ANKS1B: variants seen among roughly 807,000 people sequenced by gnomAD.
The protein encoded by ANKS1B is ankyrin repeat and sterile alpha motif domain-containing protein 1B.
Under a neutral mutation model 148.3 loss-of-function variants are expected in ANKS1B, and 36 were observed. That is an observed-to-expected ratio of 0.24 (90% confidence interval 0.19 to 0.32). ANKS1B has a LOEUF of 0.32. Ranked by LOEUF, ANKS1B falls within the 10% of genes least tolerant of loss-of-function variation. The probability of loss-of-function intolerance (pLI) is 1.00; values close to 1 mark genes in which losing one functional copy is unlikely to be tolerated. For missense variants in ANKS1B, 1,157 were observed against 1,542.6 expected, an observed-to-expected ratio of 0.75 and a Z score of 4.19; for synonymous variants, 542 against 560.8, an observed-to-expected ratio of 0.97 and a Z score of 0.47.
At chr12:99,562,641 T>C (rs989260698) in intron 9 of ANKS1B, among the ~76,000 whole-genome samples, 1 of 152,144 alleles carries the variant, frequency 6.6e-6, no homozygotes. Flanking sequence ...ATGTCCTTCT[T>C]CACATGGTGG....
chr12:99,984,129 G>A lies in ANKS1B; in HGVS notation c.109C>T (p.Pro37Ser), dbSNP rs767567238. The part of the protein sequence containing the change: ...KGGILGGGSG[P>S]LPLSNLLSIW... The stretch of plus-strand genomic sequence containing the variant: ...CTTAGCAGATTAGACAGGGGCAGGG[G>A]TCCGGATCCACCGCCCAGGATCCCT... Residue 37 changes from proline (P) to serine (S), a missense_variant, in exon 1 of 27, where the codon CCC becomes TCC. Pro to Ser is a moderately conservative substitution (Grantham distance 74, BLOSUM62 -1). Around this residue, in one of 6 missense-constraint regions of ANKS1B, gnomAD observed 164 missense variants for 232.6 expected, o/e 0.71. Transcript: ENST00000683438. The A allele has an allele frequency of 8.1e-6, 13 of 1,613,682 alleles. No individual in the cohort carries two copies. The highest frequency in any genetic ancestry group is 1.3e-5 in the African/African-American group (1 of 75,008).
intron 25 of ANKS1B, among the ~76,000 whole-genome samples, chr12:98,767,988 T>G (rs541297872): frequency 6.6e-6 from 1 of 152,288 alleles, no homozygotes; most frequent in Admixed American, 6.5e-5. Flanking sequence ...GCTGAGTCCA[T>G]TTTTAACTCT....
chr12:99,004,246 T>C (rs1299868193), intron 17 of ANKS1B, among the ~76,000 whole-genome samples: 1 of 152,184 alleles, frequency 6.6e-6, no homozygotes, highest in Non-Finnish European at 1.5e-5. Flanking sequence ...CCACTGTACA[T>C]AGGGCTTTCT....
intron 15 of ANKS1B, among the ~76,000 whole-genome samples, chr12:99,112,586 T>A (rs1206503076): frequency 6.6e-6 from 1 of 152,082 alleles, no homozygotes; most frequent in Non-Finnish European, 1.5e-5. Context: ...TGGCACAGTA[T>A]GTATGGATCT....
rs541464270 is a variant in ANKS1B at position 99,981,244 on chromosome 12, T to G, written c.134+2860A>C. 2.0e-5 allele frequency among the ~76,000 whole-genome samples: 3 copies of G among 152,240 alleles called. No homozygotes were observed. The East Asian group carries it at 5.8e-4, about 29-fold the overall frequency. The stretch of plus-strand genomic sequence containing the variant: ...ATATGATAGGTACTATTATTACTAT[T>G]TCCACTCTGATAGAATAGTGAGGCT... On this transcript the variant is annotated intron_variant, in intron 1 of 26. Transcript: ENST00000683438.
intron 17 of ANKS1B, among the ~76,000 whole-genome samples, chr12:98,930,526 C>G (rs906603804): frequency 6.6e-6 from 1 of 152,070 alleles, no homozygotes; most frequent in African/African-American, 2.4e-5. Context: ...AAAGTCTAAA[C>G]AATTCAAATG....
At chr12:99,474,850 G>C (rs984761395) in intron 10 of ANKS1B, among the ~76,000 whole-genome samples, 2 of 151,782 alleles carry the variant, frequency 1.3e-5, no homozygotes, top group Non-Finnish European at 2.9e-5. Context: ...ATATCAAAGT[G>C]GGAAATTAAA....
chr12:99,782,154 G>T, intron 4 of ANKS1B, 57 bp from the exon 5 acceptor site: 2 of 1,380,144 alleles, frequency 1.4e-6, no homozygotes, highest in South Asian at 1.3e-5. Flanking sequence ...ATGCTTACAG[G>T]TTGAAATAAA....
At chr12:99,621,298 T>C (rs1367114621) in intron 9 of ANKS1B, among the ~76,000 whole-genome samples, 1 of 151,906 alleles carries the variant, frequency 6.6e-6, no homozygotes, top group Non-Finnish European at 1.5e-5. Context: ...AAAAGCACAC[T>C]AAGGTACATA....
chr12:99,541,017 C>T (rs914501756), intron 9 of ANKS1B, among the ~76,000 whole-genome samples: 1 of 151,982 alleles, frequency 6.6e-6, no homozygotes, highest in Admixed American at 6.6e-5. Flanking sequence ...TCCATGCCAA[C>T]AAAACAGATA....
At chr12:99,835,136 G>A (rs890244336) in intron 1 of ANKS1B, among the ~76,000 whole-genome samples, 1 of 151,734 alleles carries the variant, frequency 6.6e-6, no homozygotes, top group Non-Finnish European at 1.5e-5. Context: ...TGAGGACTGG[G>A]CATGGTGGCT....
intron 1 of ANKS1B, among the ~76,000 whole-genome samples, chr12:99,896,816 C>CG (rs2093404404): frequency 6.6e-6 from 1 of 151,202 alleles, no homozygotes; most frequent in Non-Finnish European, 1.5e-5. Flanking sequence ...TCTGTGCCTA[C>CG]GGAATAGAAG....
intron 9 of ANKS1B, among the ~76,000 whole-genome samples, chr12:99,599,450 G>A (rs2097783581): frequency 6.6e-6 from 1 of 151,962 alleles, no homozygotes; most frequent in African/African-American, 2.4e-5. Context: ...TAGGTGACAG[G>A]TAAAATTGAC....
chr12:99,188,265 T>C (rs1426952302), intron 14 of ANKS1B, among the ~76,000 whole-genome samples: 1 of 152,198 alleles, frequency 6.6e-6, no homozygotes, highest in Admixed American at 6.5e-5. Flanking sequence ...AACACCCCAC[T>C]GTCAATATTA....
intron 8 of ANKS1B, among the ~76,000 whole-genome samples, chr12:99,686,971 T>A (rs768506022): frequency 6.6e-6 from 1 of 152,178 alleles, no homozygotes; most frequent in African/African-American, 2.4e-5. Context: ...CCATCTGATA[T>A]CATTTTTGCC....
chr12:99,213,223 C>T (rs2246098), intron 14 of ANKS1B, among the ~76,000 whole-genome samples: 103,393 of 152,134 alleles, frequency 0.68, 36,782 homozygotes, highest in Admixed American at 0.8. Context: ...AGCATCCGCA[C>T]GGCCTGCTTC....
chr12:99,363,434 A>G (rs973769971), intron 12 of ANKS1B, among the ~76,000 whole-genome samples: 2 of 152,176 alleles, frequency 1.3e-5, no homozygotes, highest in African/African-American at 4.8e-5. Flanking sequence ...GGAAATAAAT[A>G]ATACAGCGTA....
At chr12:99,022,083 C>T (rs1011031253) in intron 17 of ANKS1B, among the ~76,000 whole-genome samples, 5 of 152,138 alleles carry the variant, frequency 3.3e-5, no homozygotes, top group African/African-American at 7.2e-5. Context: ...ATGGGAGAGA[C>T]GGAGATGCTT....
intron 11 of ANKS1B, among the ~76,000 whole-genome samples, chr12:99,417,502 T>G (rs2094943302): frequency 6.6e-6 from 1 of 152,208 alleles, no homozygotes; most frequent in Non-Finnish European, 1.5e-5. Context: ...CACTTTTTTC[T>G]TCTCTTTCGA....
Sources: gnomAD v4.1 joint callset for allele counts (sites outside exome capture counted in the v4.1 genomes callset) on GRCh38, gnomAD v4.1.1 for gene constraint, gnomAD v4.1.1 regional missense constraint, MANE v1.5 for transcripts, NCBI Gene and HGNC (gene_info 2026-07-23, HGNC 2026-07-21) for gene names.